Variants in ZC2HC1B observed in about 807,000 individuals in gnomAD.
ZC2HC1B encodes the protein zinc finger C2HC-type containing 1B.
ZC2HC1B carries 36 observed loss-of-function variants against 31.0 expected under a neutral mutation model. The ratio of observed to expected loss-of-function variants is 1.16; its 90% CI spans 0.89 to 1.54. The LOEUF (loss-of-function observed/expected upper bound fraction) is 1.54, where lower values mean the gene tolerates loss of function less well. Among genes scored for constraint, ZC2HC1B ranks in the 40% most tolerant of loss-of-function variants. ZC2HC1B has a pLI of 0.00. For synonymous variants in ZC2HC1B, 73 were observed against 88.0 expected, an observed-to-expected ratio of 0.83 and a Z score of 0.95; for missense variants, 260 against 268.6, an observed-to-expected ratio of 0.97 and a Z score of 0.22.
chr6:143,867,073 A>G (rs1406582936), intron 1 of ZC2HC1B, among the ~76,000 whole-genome samples: 1 of 152,232 alleles, frequency 6.6e-6, no homozygotes, highest in Non-Finnish European at 1.5e-5. Flanking sequence ...AAAATATTGC[A>G]AAAAGTTACT....
At position 143,887,332 on chromosome 6, in the gene ZC2HC1B, A is replaced by T. The variant is rs1777541996; in HGVS notation, c.349+511A>T. Reference sequence around the variant, plus strand: ...CTCCACTGAAATTTGGCAATTGTTGACGCTGTTGCCATAATTTCTCCTTTA... The same window carrying T: ...CTCCACTGAAATTTGGCAATTGTTGTCGCTGTTGCCATAATTTCTCCTTTA... On this transcript the variant is annotated intron_variant, in intron 4 of 7. Coordinates refer to ENST00000237275, the MANE Select transcript of ZC2HC1B (RefSeq NM_001013623.3). The surrounding 1 kb of genome is among the most constrained non-coding windows in gnomAD (Gnocchi z 5.1). Among the ~76,000 whole-genome samples the T allele has an allele frequency of 6.6e-6, 1 of 152,230 alleles. No individual in the cohort carries two copies. The highest frequency in any genetic ancestry group is 2.1e-4 in the South Asian group (1 of 4,834).
At chr6:143,937,527 T>G in intron 6 of ZC2HC1B, 122 bp from the exon 7 acceptor site, 3 of 447,652 alleles carry the variant, frequency 6.7e-6, no homozygotes, top group Non-Finnish European at 6.9e-6. Flanking sequence ...CTCCCCCACC[T>G]CCCACCAAAA....
intron 1 of ZC2HC1B, among the ~76,000 whole-genome samples, chr6:143,882,851 T>G (rs760220267): frequency 1.3e-5 from 2 of 152,116 alleles, no homozygotes; most frequent in Non-Finnish European, 2.9e-5. Context: ...TCTTTTCAAG[T>G]TTCCTGTTTC....
At chr6:143,882,089 C>T (rs902787980) in intron 1 of ZC2HC1B, among the ~76,000 whole-genome samples, 5 of 151,748 alleles carry the variant, frequency 3.3e-5, no homozygotes, top group Admixed American at 6.6e-5. Context: ...AGAGAAGTTG[C>T]CTACTTGGGC....
In ZC2HC1B at chr6:143,865,294, A is replaced by G. The variant is rs866551980; in HGVS notation, c.28+727A>G. ...TTGCCTTCAGGAGCCACATGGTCTG[A>G]GGAGGCAGGATAGGTGCAGCGAAAT... On this transcript the variant is annotated intron_variant, in intron 1 of 7. Coordinates refer to ENST00000237275, the MANE Select transcript of ZC2HC1B (RefSeq NM_001013623.3). This position sits in a 1 kb window ranked among gnomAD's most constrained non-coding sequence, Gnocchi z 4.4. Among the ~76,000 whole-genome samples the G allele has an allele frequency of 3.3e-5, 5 of 152,342 alleles. No individual in the cohort carries two copies. In the South Asian group the frequency reaches 1.0e-3, roughly 32 times the overall value.
chr6:143,883,900 A>G lies in ZC2HC1B; in HGVS notation c.29-404A>G, dbSNP rs966265909. Among the ~76,000 whole-genome samples the G allele has an allele frequency of 6.6e-6, 1 of 152,232 alleles. No homozygotes were observed. The highest frequency in any genetic ancestry group is 6.5e-5 in the Admixed American group (1 of 15,278). On this transcript the variant is annotated intron_variant, in intron 1 of 7. Coordinates refer to ENST00000237275, the MANE Select transcript of ZC2HC1B (RefSeq NM_001013623.3). This position sits in a 1 kb window ranked among gnomAD's most constrained non-coding sequence, Gnocchi z 4.1. ...CTTGCATTGGGCATAAAATAGGCAC[A>G]GTCTCAGCTTTCACAGAACTTACAT...
intron 4 of ZC2HC1B, among the ~76,000 whole-genome samples, chr6:143,897,678 C>G (rs778406710): frequency 1.4e-4 from 22 of 151,842 alleles, no homozygotes; most frequent in Non-Finnish European, 2.6e-4. Flanking sequence ...GAATATATTG[C>G]CTGCTCACTT....
chr6:143,914,672 G>T (rs1235456691), intron 6 of ZC2HC1B, among the ~76,000 whole-genome samples: 1 of 152,042 alleles, frequency 6.6e-6, no homozygotes, highest in Non-Finnish European at 1.5e-5. Flanking sequence ...AACTATTGTT[G>T]TAGAACTGTC....
At chr6:143,902,016 G>C (rs1307697049) in intron 5 of ZC2HC1B, among the ~76,000 whole-genome samples, 2 of 152,202 alleles carry the variant, frequency 1.3e-5, no homozygotes, top group African/African-American at 4.8e-5. Context: ...TATTCCTGAA[G>C]AAGGCCAGCT....
chr6:143,881,278 C>T (rs752333323), intron 1 of ZC2HC1B, among the ~76,000 whole-genome samples: 9 of 151,770 alleles, frequency 5.9e-5, no homozygotes, highest in African/African-American at 2.2e-4. Flanking sequence ...CAGCTGGGCA[C>T]GGTGGCTTAC....
Position 143,917,570 on chromosome 6 carries a change from A to G in ZC2HC1B, c.598+14418A>G, listed in dbSNP as rs1243344535. Reference sequence around the variant, plus strand: ...GTCTTTTCCACCCATTTTGTTATTGATGTCACAAAATTACATCTTTATACA... The same window carrying G: ...GTCTTTTCCACCCATTTTGTTATTGGTGTCACAAAATTACATCTTTATACA... On this transcript the variant is annotated intron_variant, in intron 6 of 7. Transcript: ENST00000237275. The surrounding 1 kb of genome is among the most constrained non-coding windows in gnomAD (Gnocchi z 4.1). Among the ~76,000 whole-genome samples, 1 of 152,144 alleles carries G rather than the reference A, an allele frequency of 6.6e-6. No homozygotes were observed. The highest frequency in any genetic ancestry group is 1.9e-4 in the East Asian group (1 of 5,202).
chr6:143,886,877 T>A lies in ZC2HC1B; in HGVS notation c.349+56T>A. On this transcript the variant is annotated intron_variant, in intron 4 of 7. Transcript: ENST00000237275. The surrounding 1 kb of genome is among the most constrained non-coding windows in gnomAD (Gnocchi z 4.2). ...CTATGCTTGACTTTTGACCAAATCA[T>A]CATGCCCTCTATGCACTCTGAAATT... The A allele has an allele frequency of 2.8e-6, 4 of 1,417,660 alleles. No homozygotes were observed. The South Asian group carries it at 6.2e-5, about 22-fold the overall frequency. 87.8% of individuals were successfully genotyped at this position (1,417,660 alleles called of 1,614,324 possible).
In ZC2HC1B at chr6:143,864,523, T is replaced by C. The variant is rs1562334436; in HGVS notation, c.-17T>C. On this transcript the variant is annotated 5_prime_UTR_variant, in exon 1 of 8. Coordinates refer to ENST00000237275, the MANE Select transcript of ZC2HC1B (RefSeq NM_001013623.3). The stretch of plus-strand genomic sequence containing the variant: ...TGTAAAAATCTGTGAACACTGTTGC[T>C]CTGAGTTAGGAACAGAATGGCTGGG... The C allele has an allele frequency of 6.4e-7, 1 of 1,551,630 alleles. No homozygotes were observed. Among genetic ancestry groups the C allele is most frequent in the Non-Finnish European group, 8.7e-7 (1 of 1,146,922 alleles).
chr6:143,873,222 C>G (rs1224374953), intron 1 of ZC2HC1B, among the ~76,000 whole-genome samples: 1 of 152,196 alleles, frequency 6.6e-6, no homozygotes, highest in Non-Finnish European at 1.5e-5. Flanking sequence ...TTTACAGTTC[C>G]AAAATGATCT....
At position 143,930,759 on chromosome 6, in the gene ZC2HC1B, T is replaced by C. The variant is rs76105624; in HGVS notation, c.599-6890T>C. Among the ~76,000 whole-genome samples the C allele has an allele frequency of 9.0e-3, 1,375 of 152,336 alleles. 9 individuals carry two copies. The highest frequency in any genetic ancestry group is 0.034 in the Middle Eastern group (10 of 294). On this transcript the variant is annotated intron_variant, in intron 6 of 7. Transcript: ENST00000237275. ...AGATACTTGATATGATTTCAATTTC[T>C]AAAATGTACTGAGGCTTATTTTGTT... is the stretch of plus-strand genomic sequence containing the variant.
At chr6:143,935,606 T>A (rs1453122992) in intron 6 of ZC2HC1B, among the ~76,000 whole-genome samples, 1 of 151,106 alleles carries the variant, frequency 6.6e-6, no homozygotes, top group Non-Finnish European at 1.5e-5. Flanking sequence ...ATTAATATAT[T>A]CAGATTGACA....
In ZC2HC1B at chr6:143,865,962, T is replaced by C. The variant is rs1351198841; in HGVS notation, c.28+1395T>C. ...TCCCGAGTAGCTGGGATTACAGGTGTGCACCACCATGCCCAGCTAATTTTT... is the reference window on the plus strand; with the variant it reads ...TCCCGAGTAGCTGGGATTACAGGTGCGCACCACCATGCCCAGCTAATTTTT... On this transcript the variant is annotated intron_variant, in intron 1 of 7. Transcript: ENST00000237275. The surrounding 1 kb of genome is among the most constrained non-coding windows in gnomAD (Gnocchi z 4.4). Among the ~76,000 whole-genome samples, 1 of 152,184 alleles carries C rather than the reference T, an allele frequency of 6.6e-6. No individual in the cohort carries two copies. Among genetic ancestry groups the C allele is most frequent in the Non-Finnish European group, 1.5e-5 (1 of 68,018 alleles).
At chr6:143,900,390 CAA>C (rs200482247) in intron 5 of ZC2HC1B, among the ~76,000 whole-genome samples, 12 of 84,366 alleles carry the variant, frequency 1.4e-4, no homozygotes, top group Admixed American at 3.9e-4. Context: ...AACTCCGTCT[CAA>C]AAAAAAAAAA....
chr6:143,903,060 G>T lies in ZC2HC1B; in HGVS notation c.506G>T (p.Gly169Val). The change falls in exon 6 of 8, where the codon GGT becomes GTT. Residue 169 changes from glycine to valine, a missense_variant. By Grantham distance (109) the Gly-to-Val change is moderately radical. Coordinates refer to ENST00000237275, the MANE Select transcript of ZC2HC1B (RefSeq NM_001013623.3). The surrounding 1 kb of genome is among the most constrained non-coding windows in gnomAD (Gnocchi z 4.3). Reference sequence around the variant, plus strand: ...TCTCTGTAGGGTAGGGCTCAGATGGGTCCAAAAAAAGAACCAACTGTTACC... The same window carrying T: ...TCTCTGTAGGGTAGGGCTCAGATGGTTCCAAAAAAAGAACCAACTGTTACC... ...ASRAQGRAQM[G>V]PKKEPTVTSA... 1 of 1,551,708 alleles carries T rather than the reference G, an allele frequency of 6.4e-7. No homozygotes were observed.
Sources: allele counts gnomAD v4.1 joint callset (sites outside exome capture counted in the v4.1 genomes callset), GRCh38; gene constraint gnomAD v4.1.1; non-coding constraint Gnocchi (gnomAD v3.1); transcripts MANE v1.5; gene names NCBI Gene and HGNC (gene_info 2026-07-23, HGNC 2026-07-21).